SORCS3: variants seen among roughly 807,000 people sequenced by gnomAD.
SORCS3 encodes the protein VPS10 domain-containing receptor SorCS3.
In SORCS3, 57 loss-of-function variants were observed where a neutral mutation model predicts 146.3. The ratio of observed to expected loss-of-function variants is 0.39; its 90% CI spans 0.31 to 0.49. The LOEUF (loss-of-function observed/expected upper bound fraction) is 0.49. Ranked by LOEUF, SORCS3 falls within the 20% of genes least tolerant of loss-of-function variation. SORCS3 has a pLI of 0.92. For synonymous variants in SORCS3, 653 were observed against 618.5 expected (o/e 1.06, Z -0.83); for missense variants, 1,341 against 1,575.5 (o/e 0.85, Z 2.52).
intron 1 of SORCS3, among the ~76,000 whole-genome samples, chr10:104,753,242 T>C (rs1207646710): frequency 1.3e-5 from 2 of 152,234 alleles, no homozygotes; most frequent in Non-Finnish European, 2.9e-5. Context: ...TCTAATTTGT[T>C]AAATTATGAG....
intron 1 of SORCS3, among the ~76,000 whole-genome samples, chr10:104,835,976 G>A (rs1249553042): frequency 6.6e-6 from 1 of 152,170 alleles, no homozygotes; most frequent in Non-Finnish European, 1.5e-5. Flanking sequence ...AAACATACCT[G>A]AGTTGTTCGG....
chr10:104,771,755 C>A (rs985651664), intron 1 of SORCS3, among the ~76,000 whole-genome samples: 2 of 151,788 alleles, frequency 1.3e-5, no homozygotes, highest in East Asian at 3.9e-4. Flanking sequence ...TAGACAGTTT[C>A]TCATGCATGC....
intron 3 of SORCS3, among the ~76,000 whole-genome samples, chr10:104,975,958 C>G (rs2054894721): frequency 6.6e-6 from 1 of 152,156 alleles, no homozygotes; most frequent in Non-Finnish European, 1.5e-5. Flanking sequence ...CATAAAAACC[C>G]TAGAAGAAAA....
intron 1 of SORCS3, among the ~76,000 whole-genome samples, chr10:104,742,756 G>A (rs1265318319): frequency 6.6e-6 from 1 of 152,212 alleles, no homozygotes; most frequent in Non-Finnish European, 1.5e-5. Context: ...GTGTAGCACA[G>A]TAAGCGCAGG....
chr10:105,242,542 T>TTATATA (rs1456622755), intron 20 of SORCS3, among the ~76,000 whole-genome samples: 3 of 97,896 alleles, frequency 3.1e-5, no homozygotes, highest in African/African-American at 1.3e-4. Flanking sequence ...TTATATATAT[T>TTATATA]TATATATTTA....
intron 4 of SORCS3, among the ~76,000 whole-genome samples, chr10:105,000,159 C>A (rs923513993): frequency 6.6e-6 from 1 of 151,978 alleles, no homozygotes; most frequent in Non-Finnish European, 1.5e-5. Flanking sequence ...ATCCTAGAAC[C>A]AATATTTAGG....
intron 2 of SORCS3, among the ~76,000 whole-genome samples, chr10:104,884,942 C>G (rs894657338): frequency 2.0e-5 from 3 of 151,748 alleles, no homozygotes; most frequent in African/African-American, 7.3e-5. Flanking sequence ...TCATTTTTTG[C>G]TTCTAGATTG....
Position 105,147,780 on chromosome 10 carries a change from T to G in SORCS3, c.1466T>G (p.Ile489Ser). ...KSSRGLMGNIIIELYEVAGIK... is the reference protein window; with the variant it reads ...KSSRGLMGNISIELYEVAGIK... ...AGCAGAGGTCTAATGGGGAACATCATTATTGAATTGTATGAGGTATGTAGC... is the reference window on the plus strand; with the variant it reads ...AGCAGAGGTCTAATGGGGAACATCAGTATTGAATTGTATGAGGTATGTAGC... Residue 489 changes from isoleucine (I) to serine (S), a missense_variant, in exon 9 of 27, where the codon ATT (isoleucine) becomes AGT (serine). Ile to Ser is a moderately radical substitution (Grantham distance 142, BLOSUM62 -2). Coordinates refer to ENST00000369701, the MANE Select transcript of SORCS3 (RefSeq NM_014978.3). 6.2e-7 allele frequency: 1 copy of G among 1,611,758 alleles called. No individual in the cohort carries two copies. The highest frequency in any genetic ancestry group is 1.7e-5 in the Admixed American group (1 of 59,800).
chr10:105,262,230 C>T lies in SORCS3; in HGVS notation c.3444-101C>T, dbSNP rs989533700. ...TATCTTTCCCTGACATGGACCCTTC[C>T]TATTAATAGCTTCTTCCTCCCCTTA... On this transcript the variant is annotated intron_variant, in intron 25 of 26. Transcript: ENST00000369701. 3.8e-6 allele frequency: 4 copies of T among 1,065,726 alleles called. No individual in the cohort carries two copies. The African/African-American group carries it at 6.3e-5, about 17-fold the overall frequency. 66.0% of individuals were successfully genotyped at this position (1,065,726 alleles called of 1,614,324 possible). A position where few individuals can be genotyped will look rare whatever the true frequency, so the allele number is the denominator to read the frequency against.
intron 7 of SORCS3, among the ~76,000 whole-genome samples, chr10:105,108,086 A>G (rs2055835469): frequency 6.6e-6 from 1 of 152,312 alleles, no homozygotes; most frequent in African/African-American, 2.4e-5. Flanking sequence ...GACAAGTCCT[A>G]TGAATAAAAA....
At chr10:104,957,076 C>T (rs1220924586) in intron 3 of SORCS3, among the ~76,000 whole-genome samples, 1 of 152,140 alleles carries the variant, frequency 6.6e-6, no homozygotes, top group African/African-American at 2.4e-5. Context: ...TTGGGTGATC[C>T]TTCTCAGGTA....
intron 4 of SORCS3, among the ~76,000 whole-genome samples, chr10:105,014,975 G>A (rs145922897): frequency 2.7e-4 from 41 of 152,262 alleles, no homozygotes; most frequent in African/African-American, 9.6e-4. Context: ...CCAGTTTATG[G>A]TATTTTGCTA....
chr10:104,814,544 C>A (rs2017775091), intron 1 of SORCS3, among the ~76,000 whole-genome samples: 1 of 152,168 alleles, frequency 6.6e-6, no homozygotes, highest in African/African-American at 2.4e-5. Context: ...CCCTATTCAT[C>A]CTCTAGAACT....
At chr10:105,102,780 C>CCTTTT (rs2055794481) in intron 6 of SORCS3, among the ~76,000 whole-genome samples, 2 of 92,526 alleles carry the variant, frequency 2.2e-5, no homozygotes, top group Non-Finnish European at 2.1e-5. Flanking sequence ...ACCTCTCAAC[C>CCTTTT]TTTTTTTTTT....
chr10:105,008,799 A>G (rs766203948), intron 4 of SORCS3, among the ~76,000 whole-genome samples: 2 of 152,158 alleles, frequency 1.3e-5, no homozygotes, highest in Non-Finnish European at 2.9e-5. Context: ...GGCATATGCC[A>G]TCACTGCTGG....
intron 5 of SORCS3, among the ~76,000 whole-genome samples, chr10:105,048,449 A>G (rs1324647385): frequency 2.0e-5 from 3 of 149,274 alleles, no homozygotes; most frequent in Admixed American, 6.7e-5. Context: ...AAAACCAAAC[A>G]CCGCATGTTC....
intron 20 of SORCS3, among the ~76,000 whole-genome samples, chr10:105,224,996 A>G (rs1173099879): frequency 6.6e-6 from 1 of 152,052 alleles, no homozygotes; most frequent in Non-Finnish European, 1.5e-5. Context: ...TTTATCAGAT[A>G]TGTCTTCTGC....
intron 14 of SORCS3, among the ~76,000 whole-genome samples, chr10:105,194,111 T>G (rs1291469241): frequency 6.6e-6 from 1 of 152,172 alleles, no homozygotes; most frequent in Non-Finnish European, 1.5e-5. Flanking sequence ...TGGGAGCAAC[T>G]TCCTCAGGAA....
In SORCS3 at chr10:105,162,112, A is replaced by G. The variant is rs1400848287; in HGVS notation, c.1733-2191A>G. ...TCCCTCTGGCATGAGTGGTGGTGAGAGAAGCGTAGCTAGCCCTCAGAGGAC... is the reference window on the plus strand; with the variant it reads ...TCCCTCTGGCATGAGTGGTGGTGAGGGAAGCGTAGCTAGCCCTCAGAGGAC... On this transcript the variant is annotated intron_variant, in intron 11 of 26. Coordinates refer to ENST00000369701, the MANE Select transcript of SORCS3 (RefSeq NM_014978.3). 8.5e-5 allele frequency among the ~76,000 whole-genome samples: 13 copies of G among 152,286 alleles called. No individual in the cohort carries two copies. In the East Asian group the frequency reaches 2.3e-3, roughly 27 times the overall value.
Sources: gnomAD v4.1 joint callset for allele counts (sites outside exome capture counted in the v4.1 genomes callset) on GRCh38, gnomAD v4.1.1 for gene constraint, MANE v1.5 for transcripts, NCBI Gene and HGNC (gene_info 2026-07-23, HGNC 2026-07-21) for gene names.